ZC4H2: variants seen among roughly 807,000 people sequenced by gnomAD.
ZC4H2 encodes zinc finger C4H2-type containing.
For missense variants in ZC4H2, 137 were observed against 173.9 expected, an observed-to-expected ratio of 0.79 and a Z score of 1.19; for synonymous variants, 84 against 66.3, an observed-to-expected ratio of 1.27 and a Z score of -1.30.
chrX:64,978,221 G>A (rs990206857), upstream of ZC4H2, among the ~76,000 whole-genome samples: 3 of 111,907 alleles, frequency 2.7e-5, no homozygotes, highest in Non-Finnish European at 5.6e-5. Context: ...TGTGGAACAT[G>A]AATCTCATGT....
chrX:64,950,370 G>A (rs1398260328), intron 1 of ZC4H2, among the ~76,000 whole-genome samples: 7 of 111,407 alleles, frequency 6.3e-5, no homozygotes, highest in Non-Finnish European at 1.1e-4. Context: ...AGGTCTGCTC[G>A]GTGCAGAGAT....
At chrX:64,993,680 C>T (rs994303749) in intron 1 of ZC4H2, among the ~76,000 whole-genome samples, 1 of 111,858 alleles carries the variant, frequency 8.9e-6, no homozygotes, top group Non-Finnish European at 1.9e-5. Context: ...TTTGTTATAA[C>T]AGTGCAAATG....
chrX:64,991,968 G>A (rs747479781), intron 1 of ZC4H2, among the ~76,000 whole-genome samples: 7 of 111,692 alleles, frequency 6.3e-5, no homozygotes, highest in Admixed American at 3.8e-4. Flanking sequence ...TACAGTATAG[G>A]CAAGTACATA....
At chrX:64,933,545 C>A (rs959014874) in intron 1 of ZC4H2, among the ~76,000 whole-genome samples, 1 of 110,177 alleles carries the variant, frequency 9.1e-6, no homozygotes, top group Non-Finnish European at 1.9e-5. Flanking sequence ...TTCTTTTTTT[C>A]TTTCTTAAGG....
intron 1 of ZC4H2, among the ~76,000 whole-genome samples, chrX:64,952,934 A>G (rs970328751): frequency 1.6e-4 from 18 of 111,978 alleles, no homozygotes; most frequent in African/African-American, 5.5e-4. Context: ...CTACAAGGCT[A>G]CAGTAACCAA....
intron 1 of ZC4H2, among the ~76,000 whole-genome samples, chrX:65,012,772 T>A (rs1932768032): frequency 9.0e-6 from 1 of 111,504 alleles, no homozygotes; most frequent in Admixed American, 9.6e-5. Flanking sequence ...TGTTGATAGA[T>A]TAGCTCAATG....
At chrX:65,013,680 C>A (rs891444595) in intron 1 of ZC4H2, among the ~76,000 whole-genome samples, 1 of 111,162 alleles carries the variant, frequency 9.0e-6, no homozygotes, top group Non-Finnish European at 1.9e-5. Context: ...GTAGATTATA[C>A]CAAAGGTGAG....
Position 64,922,033 on chromosome X carries a change from G to T in ZC4H2, c.54-45C>A, listed in dbSNP as rs780285617. ...GGAAACAGGCCAGCAAAAGAAGGGAGAAAATAGAAATGGAGCCAGGACTTT... is the reference window on the plus strand; with the variant it reads ...GGAAACAGGCCAGCAAAAGAAGGGATAAAATAGAAATGGAGCCAGGACTTT... On this transcript the variant is annotated intron_variant, in intron 1 of 4. Transcript: ENST00000374839. 10 of 1,191,905 alleles carry T rather than the reference G, an allele frequency of 8.4e-6. No homozygotes were observed. In the South Asian group the frequency reaches 1.9e-4, roughly 22 times the overall value.
In ZC4H2 at chrX:64,916,079, G is replaced by C. The variant is rs1016718314; in HGVS notation, c.*1704C>G. On this transcript the variant is annotated 3_prime_UTR_variant, in exon 5 of 5. Coordinates refer to ENST00000374839, the MANE Select transcript of ZC4H2 (RefSeq NM_018684.4). ...AAAATGAGCTCTGGAGTTGGACAAA[G>C]CTGGCTCCAAATCCTGCAATTTCCT... 6 of 112,089 alleles carry C rather than the reference G, an allele frequency of 5.4e-5. No individual in the cohort carries two copies. The highest frequency in any genetic ancestry group is 4.7e-4 in the Admixed American group (5 of 10,560). 9.2% of individuals were successfully genotyped at this position (112,089 alleles called of 1,213,427 possible). A position where few individuals can be genotyped will look rare whatever the true frequency, so the allele number is the denominator to read the frequency against.
intron 1 of ZC4H2, among the ~76,000 whole-genome samples, chrX:64,965,111 C>G (rs1250839906): frequency 8.9e-6 from 1 of 111,790 alleles, no homozygotes; most frequent in Non-Finnish European, 1.9e-5. Context: ...ATCTAACAAA[C>G]TAATCTACAG....
chrX:64,943,349 C>T (rs1420139008), intron 1 of ZC4H2, among the ~76,000 whole-genome samples: 8 of 111,958 alleles, frequency 7.1e-5, no homozygotes, highest in Non-Finnish European at 1.3e-4. Context: ...ATTAGGTCCG[C>T]TTGGGCTAGA....
At chrX:64,930,701 C>T (rs1242459214) in intron 1 of ZC4H2, among the ~76,000 whole-genome samples, 1 of 111,919 alleles carries the variant, frequency 8.9e-6, no homozygotes, top group Non-Finnish European at 1.9e-5. Flanking sequence ...ATACCTGCAT[C>T]CCTATGATAA....
upstream of ZC4H2, among the ~76,000 whole-genome samples, chrX:64,979,441 C>T (rs181511627): frequency 1.8e-5 from 2 of 112,654 alleles, no homozygotes; most frequent in East Asian, 5.6e-4. Context: ...ATTAAAATGT[C>T]CAAATACAGA....
At chrX:64,918,125 G>C in intron 4 of ZC4H2, 1 of 323,235 alleles carries the variant, frequency 3.1e-6, no homozygotes, top group Non-Finnish European at 5.3e-6. Flanking sequence ...TAGAAAGTAA[G>C]GCAAAATGAG....
intron 1 of ZC4H2, among the ~76,000 whole-genome samples, chrX:64,968,371 TG>T (rs1931661161): frequency 9.0e-6 from 1 of 111,637 alleles, no homozygotes; most frequent in Non-Finnish European, 1.9e-5. Context: ...CATCATATGA[TG>T]GATTTAAAGC....
At chrX:65,029,715 T>C (rs1932916036) in intron 1 of ZC4H2, among the ~76,000 whole-genome samples, 1 of 111,259 alleles carries the variant, frequency 9.0e-6, no homozygotes, top group African/African-American at 3.3e-5. Flanking sequence ...AATAAGGGTA[T>C]AATATGGGAG....
At chrX:64,938,863 T>C (rs1476365361) in intron 1 of ZC4H2, among the ~76,000 whole-genome samples, 5 of 112,239 alleles carry the variant, frequency 4.5e-5, no homozygotes, top group Non-Finnish European at 9.4e-5. Flanking sequence ...AAGCATTTGC[T>C]TTGAAAACTG....
In ZC4H2 at chrX:65,034,448, GCAAATAAAATAAAAA is replaced by G. The variant is rs1932981607; in HGVS notation, c.-272+166_-272+180del. 3.6e-5 allele frequency among the ~76,000 whole-genome samples: 4 copies of G among 111,707 alleles called. No homozygotes were observed. In the South Asian group the frequency reaches 1.5e-3, roughly 42 times the overall value. On this transcript the variant is annotated intron_variant, in intron 1 of 4. Coordinates refer to the ZC4H2 transcript ENST00000337990. ...TGGAGGAGCCAAGACAAATACGTAG[GCAAATAAAATAAAAA>G]CAAATAAAAGACAAATAAAAGGCAG...
intron 1 of ZC4H2, among the ~76,000 whole-genome samples, chrX:64,944,530 C>A (rs762101997): frequency 2.3e-4 from 26 of 111,041 alleles, no homozygotes; most frequent in Non-Finnish European, 4.0e-4. Flanking sequence ...TTGTTTCAAC[C>A]TTGGTGAATC....
Sources: allele counts gnomAD v4.1 joint callset (sites outside exome capture counted in the v4.1 genomes callset), GRCh38; gene constraint gnomAD v4.1.1; transcripts MANE v1.5; gene names NCBI Gene and HGNC (gene_info 2026-07-23, HGNC 2026-07-21).